CECR2: variants seen among roughly 807,000 people sequenced by gnomAD.
The protein encoded by CECR2 is chromatin remodeling regulator CECR2.
CECR2 carries 30 observed loss-of-function variants against 154.5 expected under a neutral mutation model. That is an observed-to-expected ratio of 0.19 (90% CI 0.15 to 0.26). CECR2 has a LOEUF of 0.26. Among genes scored for constraint, CECR2 ranks in the 10% least tolerant of loss-of-function variants. The pLI is 1.00. For missense variants in CECR2, 1,743 were observed against 1,829.3 expected (o/e 0.95, Z 0.86); for synonymous variants, 725 against 683.7 (o/e 1.06, Z -0.94).
chr22:17,447,590 C>CA (rs1043988236), intron 1 of CECR2, among the ~76,000 whole-genome samples: 13 of 150,040 alleles, frequency 8.7e-5, no homozygotes, highest in Admixed American at 3.3e-4. Flanking sequence ...AAAATAAAAT[C>CA]ACATAGGAGT....
chr22:17,475,233 T>C (rs765238422), intron 1 of CECR2, among the ~76,000 whole-genome samples: 3 of 152,118 alleles, frequency 2.0e-5, no homozygotes, highest in Non-Finnish European at 4.4e-5. Flanking sequence ...GAATGGTACA[T>C]GTGAGGGCTC....
At chr22:17,459,701 C>A (rs995425936) in intron 1 of CECR2, among the ~76,000 whole-genome samples, 2 of 152,206 alleles carry the variant, frequency 1.3e-5, no homozygotes, top group African/African-American at 4.8e-5. Flanking sequence ...ATAGTTGCTT[C>A]TTTGTAGCCA....
intron 5 of CECR2, among the ~76,000 whole-genome samples, chr22:17,502,726 C>T (rs1467461136): frequency 6.6e-6 from 1 of 152,156 alleles, no homozygotes; most frequent in African/African-American, 2.4e-5. Flanking sequence ...TCATTTGAAC[C>T]TGGGAGGCGG....
chr22:17,426,162 T>A (rs1395111330), intron 1 of CECR2, among the ~76,000 whole-genome samples: 1 of 152,206 alleles, frequency 6.6e-6, no homozygotes, highest in African/African-American at 2.4e-5. Context: ...TGTATCCATT[T>A]GTCCATCCAA....
Position 17,542,202 on chromosome 22 carries a change from C to T in CECR2, c.2059C>T (p.Pro687Ser), listed in dbSNP as rs1328315232. Residue 687 changes from proline to serine, a missense_variant, in exon 16 of 19, where the codon CCA becomes TCA. Pro to Ser is a moderately conservative substitution (Grantham distance 74). This residue lies in a region of CECR2 where 1,250 missense variants were observed against 1,192.1 expected (regional missense o/e 1.05). Coordinates refer to ENST00000262608, the MANE Select transcript of CECR2 (RefSeq NM_001290047.2). ...CCTCCGAGGACCCAGGCTAGGCACA[C>T]CAGAGGAGAAGCAAATGTGCGGGGG... The part of the protein sequence containing the change: ...NSLRGPRLGT[P>S]EEKQMCGGLT... The T allele has an allele frequency of 1.9e-6, 3 of 1,613,050 alleles. No individual in the cohort carries two copies. The highest frequency in any genetic ancestry group is 2.5e-6 in the Non-Finnish European group (3 of 1,179,450).
chr22:17,545,194 G>A (rs953081354), intron 16 of CECR2, among the ~76,000 whole-genome samples: 2 of 151,736 alleles, frequency 1.3e-5, no homozygotes, highest in Non-Finnish European at 2.9e-5. Context: ...GGCCAACATG[G>A]TGAAATCTTT....
At chr22:17,410,390 CT>C (rs1442284807) in intron 1 of CECR2, among the ~76,000 whole-genome samples, 5 of 151,242 alleles carry the variant, frequency 3.3e-5, no homozygotes, top group African/African-American at 4.9e-5. Flanking sequence ...GTATAGTTTT[CT>C]TTCATTTACT....
intron 9 of CECR2, among the ~76,000 whole-genome samples, chr22:17,524,692 C>CTTTTTT (rs1188195849): frequency 6.8e-5 from 3 of 44,308 alleles, no homozygotes; most frequent in Non-Finnish European, 1.1e-4. Flanking sequence ...ATGCCTGGCC[C>CTTTTTT]TTTTTTTTTT....
chr22:17,382,772 G>C (rs1377198868), intron 1 of CECR2, among the ~76,000 whole-genome samples: 4 of 152,084 alleles, frequency 2.6e-5, no homozygotes, highest in Admixed American at 1.3e-4. Context: ...GGGTGTGGTG[G>C]TGTGCACCTG....
intron 1 of CECR2, among the ~76,000 whole-genome samples, chr22:17,378,793 T>A (rs1281714566): frequency 5.3e-5 from 8 of 152,102 alleles, no homozygotes; most frequent in Admixed American, 3.9e-4. Context: ...ACACCCTATG[T>A]GAGATAGATG....
chr22:17,510,490 T>A (rs1232019438), intron 7 of CECR2, among the ~76,000 whole-genome samples: 17 of 151,794 alleles, frequency 1.1e-4, no homozygotes. Context: ...AGCTTATAGG[T>A]ATATTTCAGG....
chr22:17,364,624 T>A (rs539564024), upstream of CECR2, among the ~76,000 whole-genome samples: 2 of 151,926 alleles, frequency 1.3e-5, no homozygotes, highest in Non-Finnish European at 2.9e-5. Context: ...GGTGGGTGGA[T>A]CACAAGGTTC....
At chr22:17,442,150 A>G (rs528335989) in intron 1 of CECR2, among the ~76,000 whole-genome samples, 2 of 152,078 alleles carry the variant, frequency 1.3e-5, no homozygotes, top group African/African-American at 4.8e-5. Context: ...AAGACAGAAA[A>G]AACCGCAAAA....
In CECR2 at chr22:17,548,865, C is replaced by G; in HGVS notation, c.3578C>G (p.Ser1193Cys). 1 of 1,613,390 alleles carries G rather than the reference C, an allele frequency of 6.2e-7. No homozygotes were observed. Among genetic ancestry groups the G allele is most frequent in the Non-Finnish European group, 8.5e-7 (1 of 1,179,524 alleles). Residue 1193 changes from serine to cysteine, a missense_variant, in exon 17 of 19, where the codon TCC (serine) becomes TGC (cysteine). By Grantham distance (112) the Ser-to-Cys change is moderately radical. Around this residue, in one of 4 missense-constraint regions of CECR2, gnomAD observed 1,250 missense variants for 1,192.1 expected, o/e 1.05. Coordinates refer to ENST00000262608, the MANE Select transcript of CECR2 (RefSeq NM_001290047.2). ...RYSYHPPPQPSYHHYQRTPYY... is the reference protein window; with the variant it reads ...RYSYHPPPQPCYHHYQRTPYY... ...TCCTACCACCCACCGCCACAGCCTT[C>G]CTACCACCACTATCAGCGAACTCCT...
At chr22:17,380,007 G>C (rs1212582655) in intron 1 of CECR2, among the ~76,000 whole-genome samples, 1 of 152,036 alleles carries the variant, frequency 6.6e-6, no homozygotes, top group Non-Finnish European at 1.5e-5. Context: ...GAGACCCTGT[G>C]TCTTGTTTTT....
chr22:17,441,502 C>T (rs1168362972), intron 1 of CECR2, among the ~76,000 whole-genome samples: 2 of 152,022 alleles, frequency 1.3e-5, no homozygotes, highest in Non-Finnish European at 2.9e-5. Flanking sequence ...TAGAATAGTG[C>T]GTCATTTATT....
chr22:17,496,763 T>C (rs553285632), intron 2 of CECR2, among the ~76,000 whole-genome samples: 1 of 152,306 alleles, frequency 6.6e-6, no homozygotes, highest in African/African-American at 2.4e-5. Context: ...TGTCTTCAGT[T>C]GTACGCGTAG....
chr22:17,360,237 G>A (rs1006546522), intron 1 of CECR2, among the ~76,000 whole-genome samples: 64 of 152,216 alleles, frequency 4.2e-4, no homozygotes, highest in African/African-American at 1.5e-3. Context: ...GCAGTGGCAC[G>A]TCTGCAGTCC....
At chr22:17,494,799 A>G (rs1251295612) in intron 2 of CECR2, among the ~76,000 whole-genome samples, 2 of 151,982 alleles carry the variant, frequency 1.3e-5, no homozygotes, top group African/African-American at 2.4e-5. Context: ...GGTTCAAGCA[A>G]TTCTCCTGCC....
Sources: gnomAD v4.1 joint callset for allele counts (sites outside exome capture counted in the v4.1 genomes callset) on GRCh38, gnomAD v4.1.1 for gene constraint, gnomAD v4.1.1 regional missense constraint, MANE v1.5 for transcripts, NCBI Gene and HGNC (gene_info 2026-07-23, HGNC 2026-07-21) for gene names.